The following CREB5 variants were observed in gnomAD, a reference collection of about 807,000 sequenced individuals.
The protein encoded by CREB5 is cAMP responsive element binding protein 5.
A neutral mutation model predicts 57.1 loss-of-function variants in CREB5; 19 were observed. That is an observed-to-expected ratio of 0.33 (90% CI 0.23 to 0.49). CREB5 has a LOEUF of 0.49. Ranked by LOEUF, CREB5 falls within the 20% of genes least tolerant of loss-of-function variation. The pLI, the probability that CREB5 is intolerant of heterozygous loss-of-function variation, is 0.99. For synonymous variants in CREB5, 238 were observed against 238.3 expected, an observed-to-expected ratio of 1.00 and a Z score of 0.01; for missense variants, 579 against 671.6, an observed-to-expected ratio of 0.86 and a Z score of 1.52.
intron 5 of CREB5, among the ~76,000 whole-genome samples, chr7:28,682,894 T>C (rs1800674030): frequency 3.3e-5 from 5 of 152,230 alleles, no homozygotes; most frequent in Non-Finnish European, 5.9e-5. Context: ...TTCTGAACTC[T>C]GAGCTCAAAT....
chr7:28,694,230 CATA>C (rs1168983067), intron 5 of CREB5, among the ~76,000 whole-genome samples: 1 of 152,166 alleles, frequency 6.6e-6, no homozygotes, highest in African/African-American at 2.4e-5. Flanking sequence ...TGAAATTAAT[CATA>C]ATAACAGCAA....
At chr7:28,413,765 T>A (rs968844648) in intron 1 of CREB5, among the ~76,000 whole-genome samples, 1 of 152,180 alleles carries the variant, frequency 6.6e-6, no homozygotes, top group East Asian at 1.9e-4. Context: ...AATAGGTGGC[T>A]AAATGAATGG....
At chr7:28,462,716 A>G (rs1790399209) in intron 1 of CREB5, among the ~76,000 whole-genome samples, 1 of 152,142 alleles carries the variant, frequency 6.6e-6, no homozygotes, top group Non-Finnish European at 1.5e-5. Flanking sequence ...TATTTTCTGT[A>G]TAGAAGTATC....
At chr7:28,376,459 G>A (rs1382554382) in intron 1 of CREB5, among the ~76,000 whole-genome samples, 5 of 152,062 alleles carry the variant, frequency 3.3e-5, no homozygotes, top group East Asian at 1.9e-4. Flanking sequence ...TAGTAGAGAC[G>A]AAGTTTCGCC....
intron 7 of CREB5, among the ~76,000 whole-genome samples, chr7:28,794,237 C>T (rs920849208): frequency 2.5e-4 from 38 of 152,168 alleles, no homozygotes; most frequent in African/African-American, 8.9e-4. Context: ...TAAGCCCTTA[C>T]CTAAAGTTAC....
chr7:28,460,132 T>C (rs1037887268), intron 1 of CREB5, among the ~76,000 whole-genome samples: 3 of 152,186 alleles, frequency 2.0e-5, no homozygotes, highest in Non-Finnish European at 4.4e-5. Flanking sequence ...CTTCCCAGAA[T>C]TGCTTTGAGG....
chr7:28,714,967 T>C (rs569906322), intron 5 of CREB5, among the ~76,000 whole-genome samples: 66 of 152,244 alleles, frequency 4.3e-4, no homozygotes, highest in Non-Finnish European at 7.8e-4. Flanking sequence ...AGAAGGACTG[T>C]TGGGTCTTTG....
chr7:28,346,645 C>T (rs1023110771), intron 1 of CREB5, among the ~76,000 whole-genome samples: 6 of 152,192 alleles, frequency 3.9e-5, no homozygotes, highest in Admixed American at 3.9e-4. Context: ...CCTTTGTACC[C>T]CTATATTGAT....
At chr7:28,659,299 A>G (rs1319215156) in intron 5 of CREB5, among the ~76,000 whole-genome samples, 1 of 152,132 alleles carries the variant, frequency 6.6e-6, no homozygotes, top group Admixed American at 6.5e-5. Flanking sequence ...AGAGTGAAAT[A>G]CTTTTTAGGA....
At chr7:28,436,939 A>G (rs1046795026) in intron 1 of CREB5, among the ~76,000 whole-genome samples, 2 of 152,176 alleles carry the variant, frequency 1.3e-5, no homozygotes, top group African/African-American at 4.8e-5. Context: ...GAAAGGTTGT[A>G]TTAGAGGCAA....
rs1805783106 is a variant in CREB5, at chr7:28,763,572, C to T, written c.702+39240C>T. Among the ~76,000 whole-genome samples the T allele has an allele frequency of 2.6e-5, 4 of 152,166 alleles. No individual in the cohort carries two copies. In the South Asian group the frequency reaches 8.3e-4, roughly 32 times the overall value. The stretch of plus-strand genomic sequence containing the variant: ...CCTTTAAAAGCGAGTCTTGCTACAA[C>T]ATATAACGTTTCCTCTGTGCCTTGC... On this transcript the variant is annotated intron_variant, in intron 7 of 10. Coordinates refer to ENST00000357727, the MANE Select transcript of CREB5 (RefSeq NM_182898.4).
chr7:28,737,572 TATATATATA>T (rs1562606726), intron 7 of CREB5, among the ~76,000 whole-genome samples: 32 of 38,440 alleles, frequency 8.3e-4, no homozygotes, highest in Non-Finnish European at 6.2e-4. Flanking sequence ...TATATATATA[TATATATATA>T]TATATATTTT....
chr7:28,619,413 T>C (rs73081813), intron 5 of CREB5, among the ~76,000 whole-genome samples: 10,763 of 152,324 alleles, frequency 0.071, 480 homozygotes, highest in Non-Finnish European at 0.1. Context: ...TTCTCTTTTA[T>C]TGGCCTGTTA....
chr7:28,460,877 C>G (rs1790322311), intron 1 of CREB5, among the ~76,000 whole-genome samples: 1 of 151,754 alleles, frequency 6.6e-6, no homozygotes, highest in Non-Finnish European at 1.5e-5. Context: ...CCTGGAAGGG[C>G]TGGAAGAAAG....
intron 5 of CREB5, among the ~76,000 whole-genome samples, chr7:28,712,133 C>T (rs550716758): frequency 6.6e-6 from 1 of 152,284 alleles, no homozygotes; most frequent in African/African-American, 2.4e-5. Context: ...TCACTTTACA[C>T]ATCACTCCAT....
intron 5 of CREB5, among the ~76,000 whole-genome samples, chr7:28,701,063 G>A (rs1385769648): frequency 6.6e-6 from 1 of 151,926 alleles, no homozygotes; most frequent in African/African-American, 2.4e-5. Context: ...CAACTTGAGA[G>A]AAGCATTAAG....
At chr7:28,817,606 T>C (rs1583815425) in intron 9 of CREB5, among the ~76,000 whole-genome samples, 1 of 152,218 alleles carries the variant, frequency 6.6e-6, no homozygotes, top group East Asian at 1.9e-4. Flanking sequence ...GTTACAATAG[T>C]TAAATGTATT....
chr7:28,408,024 T>C (rs1162906698), upstream of CREB5, among the ~76,000 whole-genome samples: 1 of 152,226 alleles, frequency 6.6e-6, no homozygotes, highest in Non-Finnish European at 1.5e-5. Flanking sequence ...AATGTGTTCT[T>C]AGCAGAGGTT....
chr7:28,819,457 A>T lies in CREB5; in HGVS notation c.*178A>T. 1 of 622,824 alleles carries T rather than the reference A, an allele frequency of 1.6e-6. No homozygotes were observed. Among genetic ancestry groups the T allele is most frequent in the Non-Finnish European group, 2.6e-6 (1 of 386,114 alleles). 38.6% of individuals were successfully genotyped at this position (622,824 alleles called of 1,614,324 possible). On this transcript the variant is annotated 3_prime_UTR_variant, in exon 11 of 11. Coordinates refer to ENST00000357727, the MANE Select transcript of CREB5 (RefSeq NM_182898.4). ...TTTTATACTTAGTTATATAAGAAAA[A>T]AGGGAGTTATGCAATTAATATCTAT...
Sources: allele counts gnomAD v4.1 joint callset (sites outside exome capture counted in the v4.1 genomes callset), GRCh38; gene constraint gnomAD v4.1.1; transcripts MANE v1.5; gene names NCBI Gene and HGNC (gene_info 2026-07-23, HGNC 2026-07-21).